Variants in IL7 observed in about 807,000 individuals in gnomAD.
IL7 encodes the protein interleukin-7.
Under a neutral mutation model 21.6 loss-of-function variants are expected in IL7, and 3 were observed. The observed-to-expected ratio is 0.14, with a 90% confidence interval of 0.06 to 0.36. The LOEUF (loss-of-function observed/expected upper bound fraction) is 0.36. Among genes scored for constraint, IL7 ranks in the 10% least tolerant of loss-of-function variants. The pLI is 1.00. For missense variants in IL7, 175 were observed against 200.2 expected, an observed-to-expected ratio of 0.87 and a Z score of 0.76; for synonymous variants, 62 against 68.1, an observed-to-expected ratio of 0.91 and a Z score of 0.44.
intron 2 of IL7, among the ~76,000 whole-genome samples, chr8:78,781,425 T>G (rs1813327309): frequency 1.3e-5 from 2 of 152,164 alleles, no homozygotes; most frequent in Admixed American, 1.3e-4. Context: ...ATGACAAATT[T>G]CCTCAGCATT....
At chr8:78,718,297 A>G (rs1169352068) in intron 6 of IL7, 1 of 151,730 alleles carries the variant, frequency 6.6e-6, no homozygotes, top group East Asian at 1.9e-4. Flanking sequence ...TTGCTAGTTC[A>G]TTTTTTGCTG....
chr8:78,770,924 G>A (rs1049620326), intron 2 of IL7, among the ~76,000 whole-genome samples: 1 of 151,938 alleles, frequency 6.6e-6, no homozygotes, highest in Admixed American at 6.6e-5. Context: ...TGTAATTTCT[G>A]AAAATTCCCA....
At position 78,743,931 on chromosome 8, in the gene IL7, C is replaced by G. The variant is rs147913204; in HGVS notation, c.148-3849G>C. On this transcript the variant is annotated intron_variant, in intron 2 of 5. Coordinates refer to ENST00000263851, the MANE Select transcript of IL7 (RefSeq NM_000880.4). ...ATCACCAGTGAAGGCTGCAAAACAG[C>G]AAAGATGGCAGCCTGCCACTTCTTC... Among the ~76,000 whole-genome samples the G allele has an allele frequency of 5.9e-3, 897 of 152,276 alleles. 8 individuals carry two copies. Among genetic ancestry groups the G allele is most frequent in the African/African-American group, 0.02 (841 of 41,554 alleles).
At chr8:78,760,788 C>A (rs113508088) in intron 2 of IL7, 97 of 1,531,272 alleles carry the variant, frequency 6.3e-5, no homozygotes, top group Middle Eastern at 2.4e-4. Flanking sequence ...ATTTGAATAT[C>A]AAGTTTGGTT....
At chr8:78,747,255 G>A (rs541389541) in intron 2 of IL7, among the ~76,000 whole-genome samples, 36 of 138,860 alleles carry the variant, frequency 2.6e-4, no homozygotes, top group Non-Finnish European at 5.0e-4. Context: ...GCATGGTCTC[G>A]GCTCACTGCA....
At chr8:78,767,291 G>A (rs987930314) in intron 2 of IL7, among the ~76,000 whole-genome samples, 3 of 151,974 alleles carry the variant, frequency 2.0e-5, no homozygotes, top group African/African-American at 4.8e-5. Context: ...GTGTGTGTGA[G>A]TGTGAACAAT....
intron 2 of IL7, among the ~76,000 whole-genome samples, chr8:78,747,980 G>C (rs1332555830): frequency 2.0e-5 from 3 of 152,198 alleles, no homozygotes; most frequent in Non-Finnish European, 4.4e-5. Flanking sequence ...GGATTCAGTA[G>C]CAAATAGTAT....
intron 1 of IL7, among the ~76,000 whole-genome samples, chr8:78,801,178 A>G (rs1274053806): frequency 6.6e-6 from 1 of 152,222 alleles, no homozygotes; most frequent in Non-Finnish European, 1.5e-5. Context: ...GACTATGGCA[A>G]TATAAAGCAC....
intron 2 of IL7, among the ~76,000 whole-genome samples, chr8:78,749,921 C>CA (rs1219025332): frequency 1.3e-5 from 2 of 152,024 alleles, no homozygotes; most frequent in Non-Finnish European, 2.9e-5. Context: ...CTGGTGGTCC[C>CA]AGCTACTCAG....
downstream of IL7, chr8:78,717,850 T>C: frequency 6.3e-6 from 1 of 159,788 alleles, no homozygotes; most frequent in Non-Finnish European, 1.4e-5. Context: ...CCCTTCAAGC[T>C]TTAGGATAAG....
intron 3 of IL7, among the ~76,000 whole-genome samples, chr8:78,692,911 G>A (rs1586004724): frequency 6.6e-6 from 1 of 152,188 alleles, no homozygotes; most frequent in East Asian, 1.9e-4. Flanking sequence ...GCCCTGGGGT[G>A]TGATGTTCCC....
At chr8:78,720,403 C>T (rs1421369431) in intron 5 of IL7, among the ~76,000 whole-genome samples, 1 of 151,678 alleles carries the variant, frequency 6.6e-6, no homozygotes, top group Non-Finnish European at 1.5e-5. Flanking sequence ...ATTAAAGCCA[C>T]AATTTTTATT....
intron 3 of IL7, among the ~76,000 whole-genome samples, chr8:78,694,363 G>A (rs1039917482): frequency 6.6e-6 from 1 of 150,978 alleles, no homozygotes; most frequent in Non-Finnish European, 1.5e-5. Context: ...CTTGTTACAA[G>A]TAAAACGGTA....
chr8:78,696,255 C>G (rs1219016109), intron 3 of IL7, among the ~76,000 whole-genome samples: 1 of 152,082 alleles, frequency 6.6e-6, no homozygotes, highest in Non-Finnish European at 1.5e-5. Flanking sequence ...AGGATGGTCT[C>G]GATCTCCTGA....
chr8:78,699,994 C>T (rs1375256789), intron 3 of IL7, among the ~76,000 whole-genome samples: 1 of 152,028 alleles, frequency 6.6e-6, no homozygotes, highest in Non-Finnish European at 1.5e-5. Context: ...AATGGGATTG[C>T]TGGGGGAAAT....
chr8:78,770,189 G>A (rs1467627894), intron 2 of IL7, among the ~76,000 whole-genome samples: 2 of 151,918 alleles, frequency 1.3e-5, no homozygotes, highest in Non-Finnish European at 2.9e-5. Flanking sequence ...CTAATCTTAA[G>A]GTCAGGTTTT....
At chr8:78,733,908 A>G (rs1811491991) in intron 5 of IL7, 76 bp from the exon 6 acceptor site, 1 of 998,852 alleles carries the variant, frequency 1.0e-6, no homozygotes, top group African/African-American at 1.7e-5. Flanking sequence ...ATTTTTCATC[A>G]TATTACTTTA....
At chr8:78,797,038 G>A (rs1334148664) in intron 2 of IL7, among the ~76,000 whole-genome samples, 2 of 151,802 alleles carry the variant, frequency 1.3e-5, no homozygotes, top group African/African-American at 4.8e-5. Context: ...AACAAGTTGT[G>A]GTATATCCAT....
chr8:78,750,195 C>T (rs1045410463), intron 2 of IL7, among the ~76,000 whole-genome samples: 2 of 151,968 alleles, frequency 1.3e-5, no homozygotes, highest in Non-Finnish European at 2.9e-5. Context: ...TCTAGTTTTT[C>T]ACATGTTGGA....
Sources: gnomAD v4.1 joint callset for allele counts (sites outside exome capture counted in the v4.1 genomes callset) on GRCh38, gnomAD v4.1.1 for gene constraint, MANE v1.5 for transcripts, NCBI Gene and HGNC (gene_info 2026-07-23, HGNC 2026-07-21) for gene names.